The following PRELID2 variants were observed in gnomAD, a reference collection of about 807,000 sequenced individuals.
The protein encoded by PRELID2 is PRELI domain-containing protein 2.
In PRELID2, 25 loss-of-function variants were observed where a neutral mutation model predicts 28.4. The ratio of observed to expected loss-of-function variants is 0.88; its 90% confidence interval spans 0.64 to 1.23. The LOEUF is 1.23. Among genes scored for constraint, PRELID2 ranks in the 50% most tolerant of loss-of-function variants. PRELID2 has a pLI of 0.00. For missense variants in PRELID2, 201 were observed against 214.4 expected (o/e 0.94, Z 0.39); for synonymous variants, 76 against 71.6 (o/e 1.06, Z -0.31).
At chr5:145,304,748 T>C in the PRELID2 span, among the ~76,000 whole-genome samples, 1 of 152,110 alleles carries the variant, frequency 6.6e-6, no homozygotes, top group African/African-American at 2.4e-5. Context: ...CAAGACTATG[T>C]TCTGTTCATT....
chr5:145,247,902 G>C, the PRELID2 span, among the ~76,000 whole-genome samples: 1 of 152,060 alleles, frequency 6.6e-6, no homozygotes, highest in Non-Finnish European at 1.5e-5. Flanking sequence ...CAGCTAATCT[G>C]AGGCCAAAAC....
chr5:145,518,180 G>A (rs1046265207), intron 1 of PRELID2, among the ~76,000 whole-genome samples: 1 of 145,870 alleles, frequency 6.9e-6, no homozygotes, highest in Non-Finnish European at 1.5e-5. Flanking sequence ...TAATAATAAT[G>A]ATGTCATGAG....
At chr5:145,589,281 A>G (rs943621017) in intron 1 of PRELID2, among the ~76,000 whole-genome samples, 8 of 152,152 alleles carry the variant, frequency 5.3e-5, no homozygotes, top group African/African-American at 1.7e-4. Flanking sequence ...CTTTATTCAC[A>G]TCTCTGATTA....
In PRELID2 at chr5:145,741,425, T is replaced by C. The variant is rs1249397826; in HGVS notation, n.70+23506A>G. 1.7e-4 allele frequency among the ~76,000 whole-genome samples: 19 copies of C among 114,672 alleles called. No individual in the cohort carries two copies. In the South Asian group the frequency reaches 4.3e-3, roughly 26 times the overall value. 75.2% of individuals were successfully genotyped at this position (114,672 alleles called of 152,430 possible). On this transcript the variant is annotated intron_variant and non_coding_transcript_variant, in intron 1 of 2. Transcript: ENST00000510259. ...AAACAAAATTTATTTATAATTTATTTATATATAAACAAAATTTATTTATAA... is the reference window on the plus strand; with the variant it reads ...AAACAAAATTTATTTATAATTTATTCATATATAAACAAAATTTATTTATAA...
At chr5:145,624,612 T>C (rs1272881514) in intron 1 of PRELID2, among the ~76,000 whole-genome samples, 1 of 152,176 alleles carries the variant, frequency 6.6e-6, no homozygotes, top group Non-Finnish European at 1.5e-5. Flanking sequence ...GATTAAAGGC[T>C]TGAAGTAAGA....
the PRELID2 span, among the ~76,000 whole-genome samples, chr5:145,344,827 G>A: frequency 8.6e-5 from 13 of 151,896 alleles, no homozygotes; most frequent in Non-Finnish European, 1.9e-4. Context: ...AAGCACTTAT[G>A]TTTCTTCTTT....
chr5:145,330,232 T>G, the PRELID2 span, among the ~76,000 whole-genome samples: 8 of 152,224 alleles, frequency 5.3e-5, no homozygotes, highest in African/African-American at 1.2e-4. Flanking sequence ...ACCTGAAATT[T>G]TCTTCTGTTG....
At chr5:145,638,016 G>GGCCA (rs1754030957) in intron 1 of PRELID2, among the ~76,000 whole-genome samples, 1 of 151,996 alleles carries the variant, frequency 6.6e-6, no homozygotes, top group South Asian at 2.1e-4. Context: ...TCACCATGTT[G>GGCCA]GCCAGGCTGG....
intron 1 of PRELID2, among the ~76,000 whole-genome samples, chr5:145,513,070 T>G (rs1470955313): frequency 6.6e-6 from 1 of 151,970 alleles, no homozygotes; most frequent in Non-Finnish European, 1.5e-5. Flanking sequence ...AAAACCAGAA[T>G]GCCTCTTCTC....
intron 1 of PRELID2, among the ~76,000 whole-genome samples, chr5:145,476,520 C>T (rs1224654471): frequency 6.6e-6 from 1 of 152,090 alleles, no homozygotes; most frequent in Non-Finnish European, 1.5e-5. Context: ...TGGCATGCAC[C>T]TATAATCCTA....
At chr5:145,487,651 G>A (rs1428920462) in intron 1 of PRELID2, among the ~76,000 whole-genome samples, 1 of 152,064 alleles carries the variant, frequency 6.6e-6, no homozygotes, top group Non-Finnish European at 1.5e-5. Context: ...TCACATCCTA[G>A]AACAGGAAAC....
At chr5:145,377,342 A>G in the PRELID2 span, among the ~76,000 whole-genome samples, 3 of 152,112 alleles carry the variant, frequency 2.0e-5, no homozygotes, top group African/African-American at 7.2e-5. Flanking sequence ...TGCAGATAAG[A>G]AGAATGTGTG....
At chr5:145,264,170 C>G in the PRELID2 span, among the ~76,000 whole-genome samples, 1 of 151,894 alleles carries the variant, frequency 6.6e-6, no homozygotes, top group Admixed American at 6.6e-5. Context: ...CACCCTAATA[C>G]CAAAACCAGT....
intron 5 of PRELID2, among the ~76,000 whole-genome samples, chr5:145,770,497 C>T (rs1244478940): frequency 2.0e-5 from 3 of 152,082 alleles, no homozygotes; most frequent in Non-Finnish European, 2.9e-5. Flanking sequence ...AAGTGAGAGA[C>T]CCTGTCTCTG....
chr5:145,625,259 G>T (rs889088004), intron 1 of PRELID2, among the ~76,000 whole-genome samples: 4 of 151,988 alleles, frequency 2.6e-5, no homozygotes, highest in African/African-American at 9.7e-5. Flanking sequence ...CAGAACACAT[G>T]TACAAAGCCA....
intron 1 of PRELID2, among the ~76,000 whole-genome samples, chr5:145,491,940 T>C (rs1468612009): frequency 6.6e-6 from 1 of 152,146 alleles, no homozygotes; most frequent in African/African-American, 2.4e-5. Context: ...TACCCGTTCA[T>C]CTGTTGATGG....
At chr5:145,819,755 C>T (rs1006795984) in intron 3 of PRELID2, 190 bp downstream of exon 3, 22 of 597,604 alleles carry the variant, frequency 3.7e-5, no homozygotes, top group African/African-American at 3.4e-4. Context: ...GACAGAGAGA[C>T]AAAGTATCTC....
chr5:145,673,722 T>C (rs750511883), intron 1 of PRELID2, among the ~76,000 whole-genome samples: 9 of 151,778 alleles, frequency 5.9e-5, no homozygotes, highest in Non-Finnish European at 1.2e-4. Flanking sequence ...TTATGAAAGA[T>C]TAAAAGTAAA....
the PRELID2 span, among the ~76,000 whole-genome samples, chr5:145,346,828 T>C: frequency 8.5e-5 from 13 of 152,148 alleles, no homozygotes; most frequent in Non-Finnish European, 1.9e-4. Context: ...TGAACTCTGC[T>C]TATCTTTACA....
Sources: gnomAD v4.1 joint callset for allele counts (sites outside exome capture counted in the v4.1 genomes callset) on GRCh38, gnomAD v4.1.1 for gene constraint, MANE v1.5 for transcripts, NCBI Gene and HGNC (gene_info 2026-07-23, HGNC 2026-07-21) for gene names.